GALNT7: variants seen among roughly 807,000 people sequenced by gnomAD.
The protein encoded by GALNT7 is N-acetylgalactosaminyltransferase 7.
GALNT7 carries 60 observed loss-of-function variants against 82.1 expected under a neutral mutation model. That is an observed-to-expected ratio of 0.73 (90% CI 0.59 to 0.91). The LOEUF (loss-of-function observed/expected upper bound fraction) is 0.91, where lower values mean the gene tolerates loss of function less well. Among genes scored for constraint, GALNT7 ranks in the 40% least tolerant of loss-of-function variants. GALNT7 has a pLI of 0.00. For missense variants in GALNT7, 660 were observed against 804.2 expected (o/e 0.82, Z 2.17); for synonymous variants, 243 against 275.1 (o/e 0.88, Z 1.15).
rs1282524061 is a variant in GALNT7 at position 173,194,216 on chromosome 4, T to C, written c.126+25255T>C. ...TAGGAGACTAAGGATGTAAACTAATTGGGGTTCTTATTGTCAGATTTAATA... is the reference window on the plus strand; with the variant it reads ...TAGGAGACTAAGGATGTAAACTAATCGGGGTTCTTATTGTCAGATTTAATA... On this transcript the variant is annotated intron_variant, in intron 1 of 11. Transcript: ENST00000265000. Among the ~76,000 whole-genome samples, 4 of 152,180 alleles carry C rather than the reference T, an allele frequency of 2.6e-5. No homozygotes were observed. The East Asian group carries it at 7.7e-4, about 29-fold the overall frequency.
chr4:173,287,435 G>A (rs1736364553), intron 2 of GALNT7, among the ~76,000 whole-genome samples: 1 of 152,236 alleles, frequency 6.6e-6, no homozygotes, highest in African/African-American at 2.4e-5. Flanking sequence ...TAGGGTCTGA[G>A]GACTAAAGGA....
chr4:173,314,302 A>T, intron 9 of GALNT7, 126 bp downstream of exon 9: 1 of 679,632 alleles, frequency 1.5e-6, no homozygotes, highest in South Asian at 1.8e-5. Flanking sequence ...GTCTGATAGG[A>T]TCTACCACCT....
chr4:173,247,900 A>C, intron 1 of GALNT7, 80 bp from the exon 2 acceptor site: 1 of 877,364 alleles, frequency 1.1e-6, no homozygotes, highest in Non-Finnish European at 1.8e-6. Context: ...CTTTTTCAAA[A>C]CCTGAAAATT....
chr4:173,222,271 T>C (rs568119551), intron 1 of GALNT7, among the ~76,000 whole-genome samples: 2 of 152,276 alleles, frequency 1.3e-5, no homozygotes, highest in South Asian at 4.1e-4. Context: ...TTTAATTTAA[T>C]TTTATTATTA....
At chr4:173,169,050 C>G in intron 1 of GALNT7, 89 bp downstream of exon 1, 6 of 1,337,470 alleles carry the variant, frequency 4.5e-6, no homozygotes, top group Non-Finnish European at 6.2e-6. Flanking sequence ...GCGGCGGGGT[C>G]GCGGCACGGC....
chr4:173,246,528 A>T (rs1734641160), intron 1 of GALNT7, among the ~76,000 whole-genome samples: 1 of 152,138 alleles, frequency 6.6e-6, no homozygotes. Flanking sequence ...GCCCTTTTGG[A>T]TGTTTTGAAT....
At chr4:173,211,115 T>C (rs1733270930) in intron 1 of GALNT7, among the ~76,000 whole-genome samples, 1 of 152,198 alleles carries the variant, frequency 6.6e-6, no homozygotes, top group African/African-American at 2.4e-5. Flanking sequence ...TCTCAAGTAC[T>C]CAATAGCTAC....
At chr4:173,272,853 CTG>C (rs1335885757) in intron 2 of GALNT7, among the ~76,000 whole-genome samples, 2 of 152,164 alleles carry the variant, frequency 1.3e-5, no homozygotes, top group African/African-American at 2.4e-5. Flanking sequence ...TAAATGTTAA[CTG>C]TTGTATATTA....
At chr4:173,299,634 G>A (rs1010212051) in intron 6 of GALNT7, among the ~76,000 whole-genome samples, 10 of 152,138 alleles carry the variant, frequency 6.6e-5, no homozygotes, top group Non-Finnish European at 4.4e-5. Flanking sequence ...ATCACCAGAG[G>A]TCAGGAGTTC....
chr4:173,252,385 C>T (rs1304792463), intron 2 of GALNT7, among the ~76,000 whole-genome samples: 2 of 152,206 alleles, frequency 1.3e-5, no homozygotes, highest in Admixed American at 1.3e-4. Context: ...AGCTTAGAGA[C>T]CAGGCTTGGG....
intron 2 of GALNT7, among the ~76,000 whole-genome samples, chr4:173,277,076 TCA>T (rs1735939129): frequency 6.6e-6 from 1 of 152,194 alleles, no homozygotes; most frequent in Non-Finnish European, 1.5e-5. Flanking sequence ...TGAAAAGCTC[TCA>T]GTTTAACTCT....
chr4:173,285,747 G>A (rs1736296944), intron 2 of GALNT7, among the ~76,000 whole-genome samples: 1 of 152,204 alleles, frequency 6.6e-6, no homozygotes, highest in South Asian at 2.1e-4. Flanking sequence ...TCAGGGTGGA[G>A]CCCTTTTACG....
intron 2 of GALNT7, among the ~76,000 whole-genome samples, chr4:173,257,061 A>G (rs986318683): frequency 7.2e-5 from 11 of 152,246 alleles, no homozygotes; most frequent in African/African-American, 2.6e-4. Context: ...ACATTTACAC[A>G]TGTAGATCTT....
chr4:173,265,655 C>T (rs1735460138), intron 2 of GALNT7, among the ~76,000 whole-genome samples: 1 of 120,396 alleles, frequency 8.3e-6, no homozygotes, highest in Admixed American at 9.1e-5. Context: ...CCCCCTCATT[C>T]CCCCCAATCT....
Position 173,323,260 on chromosome 4 carries a change from T to C in GALNT7, c.*1543T>C, listed in dbSNP as rs1578928814. ...TGCCAGAGGAAGTTTGTTTTTTAAT[T>C]TAAGAGGGAAATATAACCTATAAAT... On this transcript the variant is annotated 3_prime_UTR_variant, in exon 12 of 12. Coordinates refer to ENST00000265000, the MANE Select transcript of GALNT7 (RefSeq NM_017423.3). 1.3e-5 allele frequency: 2 copies of C among 152,656 alleles called. No individual in the cohort carries two copies. Among genetic ancestry groups the C allele is most frequent in the East Asian group, 3.9e-4 (2 of 5,180 alleles). 9.5% of individuals were successfully genotyped at this position (152,656 alleles called of 1,614,324 possible). A position where few individuals can be genotyped will look rare whatever the true frequency, so the allele number is the denominator to read the frequency against.
At chr4:173,249,322 T>TAC (rs369740042) in intron 2 of GALNT7, among the ~76,000 whole-genome samples, 1 of 152,174 alleles carries the variant, frequency 6.6e-6, no homozygotes, top group African/African-American at 2.4e-5. Flanking sequence ...CGTATGCATG[T>TAC]ACACACACAC....
intron 2 of GALNT7, among the ~76,000 whole-genome samples, chr4:173,271,705 C>T (rs532122776): frequency 3.7e-4 from 56 of 152,222 alleles, no homozygotes; most frequent in Non-Finnish European, 6.2e-4. Context: ...GATCCACCCA[C>T]CTCAACCTCC....
chr4:173,213,861 C>T (rs977384021), intron 1 of GALNT7, among the ~76,000 whole-genome samples: 1 of 152,028 alleles, frequency 6.6e-6, no homozygotes, highest in Non-Finnish European at 1.5e-5. Context: ...TCATCTTTCT[C>T]CTTGATTAAA....
intron 2 of GALNT7, among the ~76,000 whole-genome samples, chr4:173,270,243 A>G (rs1390347619): frequency 3.3e-5 from 5 of 152,174 alleles, no homozygotes; most frequent in Admixed American, 2.6e-4. Context: ...TAACCCTTGT[A>G]ATTGCATGTG....
Sources: allele counts gnomAD v4.1 joint callset (sites outside exome capture counted in the v4.1 genomes callset), GRCh38; gene constraint gnomAD v4.1.1; transcripts MANE v1.5; gene names NCBI Gene and HGNC (gene_info 2026-07-23, HGNC 2026-07-21).